Variants in SESN3 observed in about 807,000 individuals in gnomAD.
SESN3 encodes sestrin 3.
SESN3 carries 21 observed loss-of-function variants against 55.3 expected under a neutral mutation model. The observed-to-expected ratio is 0.38, with a 90% CI of 0.27 to 0.55. The LOEUF is 0.55. SESN3 is among the 20% of genes least tolerant of loss of function. SESN3 has a pLI of 0.76. For missense variants in SESN3, 408 were observed against 604.3 expected, an observed-to-expected ratio of 0.68 and a Z score of 3.41; for synonymous variants, 181 against 203.1, an observed-to-expected ratio of 0.89 and a Z score of 0.93.
At chr11:95,224,451 C>T (rs1860912873) in intron 1 of SESN3, 1 of 440,878 alleles carries the variant, frequency 2.3e-6, no homozygotes, top group African/African-American at 2.0e-5. Context: ...CCAAAGATTA[C>T]CTTGTCCATT....
intron 6 of SESN3, among the ~76,000 whole-genome samples, chr11:95,181,581 C>T (rs755290958): frequency 3.9e-5 from 6 of 151,948 alleles, no homozygotes; most frequent in South Asian, 2.1e-4. Context: ...TGACATAATA[C>T]GGGAAACATT....
intron 6 of SESN3, chr11:95,184,023 C>G: frequency 4.6e-6 from 1 of 219,652 alleles, no homozygotes; most frequent in Non-Finnish European, 8.8e-6. Flanking sequence ...TGAGAATAAT[C>G]TTCCCACACA....
At chr11:95,211,445 A>T (rs2134255797) in intron 1 of SESN3, among the ~76,000 whole-genome samples, 1 of 152,336 alleles carries the variant, frequency 6.6e-6, no homozygotes, top group East Asian at 1.9e-4. Flanking sequence ...ATATTATATG[A>T]ATAAATATCT....
At chr11:95,221,151 A>G (rs1011472146) in intron 1 of SESN3, among the ~76,000 whole-genome samples, 1 of 152,120 alleles carries the variant, frequency 6.6e-6, no homozygotes, top group Non-Finnish European at 1.5e-5. Context: ...AAAAATATAA[A>G]AAATTAGCTG....
intron 1 of SESN3, among the ~76,000 whole-genome samples, chr11:95,198,155 C>T (rs944412169): frequency 1.3e-5 from 2 of 152,058 alleles, no homozygotes; most frequent in Non-Finnish European, 2.9e-5. Context: ...CTTTCCACAC[C>T]CCCTACTCAG....
upstream of SESN3, chr11:95,232,142 T>C (rs2134280687): frequency 1.3e-5 from 2 of 152,382 alleles, no homozygotes; most frequent in South Asian, 4.1e-4. Flanking sequence ...TTTAAAACTA[T>C]TGGGACAAAC....
chr11:95,218,854 G>A (rs139334473), intron 1 of SESN3, among the ~76,000 whole-genome samples: 18 of 152,172 alleles, frequency 1.2e-4, no homozygotes, highest in Non-Finnish European at 2.6e-4. Context: ...GGGTTTTACC[G>A]TGTTAGCCAG....
intron 1 of SESN3, among the ~76,000 whole-genome samples, chr11:95,204,472 A>C (rs2134248115): frequency 1.3e-5 from 2 of 152,196 alleles, no homozygotes; most frequent in East Asian, 1.9e-4. Context: ...TATGTACTGA[A>C]TGTTCCTGTC....
chr11:95,177,694 A>C (rs1360259353), intron 8 of SESN3, 25 bp downstream of exon 8: 5 of 1,558,734 alleles, frequency 3.2e-6, no homozygotes, highest in Non-Finnish European at 4.3e-6. Flanking sequence ...AGAAATGTAA[A>C]AAACTGTCTC....
rs1204248426 is a variant in SESN3 at position 95,230,895 on chromosome 11, G to A, written c.-35C>T. On this transcript the variant is annotated 5_prime_UTR_variant, in exon 1 of 10. Transcript: ENST00000536441. The surrounding 1 kb of genome is among the most constrained non-coding windows in gnomAD (Gnocchi z 4.6). Reference sequence around the variant, plus strand: ...GGGCGCCGAGGCGAGAGCGGGCGGAGGGCCGGGTCCGGGCTGTCACTGCGG... The same window carrying A: ...GGGCGCCGAGGCGAGAGCGGGCGGAAGGCCGGGTCCGGGCTGTCACTGCGG... 6.7e-7 allele frequency: 1 copy of A among 1,495,432 alleles called. No individual in the cohort carries two copies. The highest frequency in any genetic ancestry group is 2.2e-5 in the Admixed American group (1 of 45,688). The allele number at this position is 1,495,432 out of a possible 1,614,324, so 92.6% of individuals were successfully genotyped here. A position where few individuals can be genotyped will look rare whatever the true frequency, so the allele number is the denominator to read the frequency against.
chr11:95,169,127 T>C lies in SESN3; in HGVS notation c.*4128A>G, dbSNP rs1208901360. 6.6e-6 allele frequency: 1 copy of C among 152,252 alleles called. No individual in the cohort carries two copies. The highest frequency in any genetic ancestry group is 1.9e-4 in the East Asian group (1 of 5,196). 9.4% of individuals were successfully genotyped at this position (152,252 alleles called of 1,614,324 possible). ...GTCTCACCTGGGCAGATTCTAGGTC[T>C]GCTAACTAAGCCAAATTAGCATTGA... On this transcript the variant is annotated 3_prime_UTR_variant, in exon 10 of 10. Transcript: ENST00000536441.
chr11:95,212,250 A>G (rs1400121051), intron 1 of SESN3, among the ~76,000 whole-genome samples: 1 of 152,156 alleles, frequency 6.6e-6, no homozygotes. Context: ...GTGAAGATAC[A>G]TAATAATCTA....
chr11:95,168,794 G>A lies in SESN3; in HGVS notation c.*4461C>T, dbSNP rs1372118139. The A allele has an allele frequency of 6.6e-6, 1 of 152,498 alleles. No individual in the cohort carries two copies. Among genetic ancestry groups the A allele is most frequent in the Non-Finnish European group, 1.5e-5 (1 of 68,158 alleles). The allele number at this position is 152,498 out of a possible 1,614,324, so 9.4% of individuals were successfully genotyped here. On this transcript the variant is annotated 3_prime_UTR_variant, in exon 10 of 10. Coordinates refer to ENST00000536441, the MANE Select transcript of SESN3 (RefSeq NM_144665.4). ...CTGGTGACTTATCAGCGGGTGGCTG[G>A]TGATGTTTGGTTTGGATTGTGAAAG...
intron 1 of SESN3, among the ~76,000 whole-genome samples, chr11:95,229,613 T>C (rs766625346): frequency 2.0e-5 from 3 of 152,124 alleles, no homozygotes; most frequent in Non-Finnish European, 4.4e-5. Context: ...AGAAAAACAG[T>C]TTTTGGACAA....
chr11:95,171,894 T>C lies in SESN3; in HGVS notation c.*1361A>G, dbSNP rs1212643425. On this transcript the variant is annotated 3_prime_UTR_variant, in exon 10 of 10. Coordinates refer to ENST00000536441, the MANE Select transcript of SESN3 (RefSeq NM_144665.4). ...AGTCTAATCAAGCAACGTAAACCAA[T>C]GCAAAAATGTGACTTTTTGGCCGCT... 2.0e-5 allele frequency: 3 copies of C among 152,128 alleles called. No individual in the cohort carries two copies. Among genetic ancestry groups the C allele is most frequent in the South Asian group, 2.1e-4 (1 of 4,834 alleles). The allele number at this position is 152,128 out of a possible 1,614,324, so 9.4% of individuals were successfully genotyped here. A position where few individuals can be genotyped will look rare whatever the true frequency, so the allele number is the denominator to read the frequency against.
chr11:95,199,254 C>G (rs1455729684), intron 1 of SESN3, among the ~76,000 whole-genome samples: 6 of 151,976 alleles, frequency 3.9e-5, no homozygotes, highest in Non-Finnish European at 8.8e-5. Flanking sequence ...AATAGGAACT[C>G]ACACTTTCTA....
intron 1 of SESN3, among the ~76,000 whole-genome samples, chr11:95,227,736 C>T (rs1213636218): frequency 6.6e-6 from 1 of 152,160 alleles, no homozygotes; most frequent in African/African-American, 2.4e-5. Context: ...GAATATGCCA[C>T]TTTTTTATTT....
intron 4 of SESN3, among the ~76,000 whole-genome samples, chr11:95,187,158 TTTTG>T (rs929331219): frequency 2.0e-5 from 3 of 151,986 alleles, no homozygotes; most frequent in Admixed American, 6.6e-5. Flanking sequence ...TCTAAATTTG[TTTTG>T]TTTATTTGCT....
intron 1 of SESN3, among the ~76,000 whole-genome samples, chr11:95,208,375 A>C (rs1388330403): frequency 1.3e-5 from 2 of 151,492 alleles, no homozygotes; most frequent in Non-Finnish European, 2.9e-5. Context: ...TAATCATGAC[A>C]GGACTTCAAA....
Sources: allele counts gnomAD v4.1 joint callset (sites outside exome capture counted in the v4.1 genomes callset), GRCh38; gene constraint gnomAD v4.1.1; non-coding constraint Gnocchi (gnomAD v3.1); transcripts MANE v1.5; gene names NCBI Gene and HGNC (gene_info 2026-07-23, HGNC 2026-07-21).